Variants in PCSK5 observed in about 807,000 individuals in gnomAD.
PCSK5 encodes the protein prohormone convertase 5.
In PCSK5, 129 loss-of-function variants were observed where a neutral mutation model predicts 233.2. The ratio of observed to expected loss-of-function variants is 0.55; its 90% CI spans 0.48 to 0.64. PCSK5 has a LOEUF of 0.64. PCSK5 is among the 30% of genes least tolerant of loss of function. The pLI, the probability that PCSK5 is intolerant of heterozygous loss-of-function variation, is 0.00. For synonymous variants in PCSK5, 825 were observed against 879.2 expected (o/e 0.94, Z 1.09); for missense variants, 2,076 against 2,430.1 (o/e 0.85, Z 3.06).
chr9:75,953,542 C>T (rs1263697048), intron 2 of PCSK5, among the ~76,000 whole-genome samples: 5 of 152,070 alleles, frequency 3.3e-5, no homozygotes, highest in Non-Finnish European at 4.4e-5. Flanking sequence ...CCTGCTGCCA[C>T]GTGCCTACTG....
intron 20 of PCSK5, chr9:76,193,393 T>G: frequency 1.5e-6 from 2 of 1,356,208 alleles, no homozygotes; most frequent in Non-Finnish European, 1.9e-6. Context: ...GACTTATAGA[T>G]TATTCCATAT....
chr9:76,239,010 G>A lies in PCSK5; in HGVS notation c.2918G>A (p.Cys973Tyr). The change falls in exon 23 of 38, where the codon TGC becomes TAC. Residue 973 changes from cysteine (C) to tyrosine (Y), a missense_variant. By Grantham distance (194) the Cys-to-Tyr change is radical (BLOSUM62 -2). Coordinates refer to ENST00000674117, the MANE Select transcript of PCSK5 (RefSeq NM_001372043.1). The part of the protein sequence containing the change: ...FLYQGECGDS[C>Y]PEGHYATEGN... Reference sequence around the variant, plus strand: ...TACCAGGGAGAGTGTGGAGATAGCTGCCCAGAGGGCCACTATGCCACTGAG... The same window carrying A: ...TACCAGGGAGAGTGTGGAGATAGCTACCCAGAGGGCCACTATGCCACTGAG... The A allele has an allele frequency of 6.2e-7, 1 of 1,612,200 alleles. No individual in the cohort carries two copies. Among genetic ancestry groups the A allele is most frequent in the Non-Finnish European group, 8.5e-7 (1 of 1,179,646 alleles).
chr9:76,207,293 C>T (rs34630653), intron 20 of PCSK5, among the ~76,000 whole-genome samples: 12,395 of 152,178 alleles, frequency 0.081, 648 homozygotes, highest in Admixed American at 0.13. Context: ...GGCCATTTTA[C>T]GGCCTCCCAC....
intron 2 of PCSK5, among the ~76,000 whole-genome samples, chr9:75,943,241 T>C (rs1267533598): frequency 6.6e-6 from 1 of 152,130 alleles, no homozygotes; most frequent in Non-Finnish European, 1.5e-5. Flanking sequence ...AACTAGAAAA[T>C]GTAATGATAG....
intron 2 of PCSK5, among the ~76,000 whole-genome samples, chr9:75,940,732 A>G (rs1162076322): frequency 6.6e-6 from 1 of 152,218 alleles, no homozygotes; most frequent in Non-Finnish European, 1.5e-5. Context: ...CTTATCAGTC[A>G]AATTCCATTT....
In PCSK5 at chr9:75,891,531, GCACACACA is replaced by G. The variant is rs34768107; in HGVS notation, c.192+184_192+191del. Reference sequence around the variant, plus strand: ...CTGTCTCCTGCGCGCGCGCGCGTACGCACACACACACACACACACACACACACACACAC... The same window carrying G: ...CTGTCTCCTGCGCGCGCGCGCGTACGCACACACACACACACACACACACAC... On this transcript the variant is annotated intron_variant, in intron 1 of 37. Coordinates refer to ENST00000674117, the MANE Select transcript of PCSK5 (RefSeq NM_001372043.1). 1.5e-3 allele frequency among the ~76,000 whole-genome samples: 230 copies of G among 148,536 alleles called. 1 individual carries two copies. Among genetic ancestry groups the G allele is most frequent in the South Asian group, 6.3e-3 (29 of 4,608 alleles).
intron 24 of PCSK5, among the ~76,000 whole-genome samples, chr9:76,284,673 C>T (rs1321266901): frequency 6.6e-6 from 1 of 151,818 alleles, no homozygotes; most frequent in Non-Finnish European, 1.5e-5. Flanking sequence ...GCTGGGATTA[C>T]AGACATGTGC....
chr9:76,124,112 G>A (rs1346188154), intron 9 of PCSK5, among the ~76,000 whole-genome samples: 1 of 152,146 alleles, frequency 6.6e-6, no homozygotes, highest in Non-Finnish European at 1.5e-5. Context: ...GATCACCACA[G>A]AGCTTCAGAG....
At chr9:76,161,768 G>A (rs559376740) in intron 12 of PCSK5, among the ~76,000 whole-genome samples, 4 of 152,192 alleles carry the variant, frequency 2.6e-5, no homozygotes, top group Admixed American at 6.5e-5. Context: ...CTTCAGGCTC[G>A]CATGCATTCT....
chr9:76,171,420 A>G (rs1823325194), intron 13 of PCSK5, among the ~76,000 whole-genome samples: 1 of 152,228 alleles, frequency 6.6e-6, no homozygotes, highest in African/African-American at 2.4e-5. Flanking sequence ...AGGTGCAGAC[A>G]TAAAGAGTAT....
rs188148909 is a variant in PCSK5 at position 76,350,421 on chromosome 9, C to T, written c.4967-407C>T. Among the ~76,000 whole-genome samples, 10 of 152,272 alleles carry T rather than the reference C, an allele frequency of 6.6e-5. No individual in the cohort carries two copies. In the East Asian group the frequency reaches 9.6e-4, roughly 15 times the overall value. The stretch of plus-strand genomic sequence containing the variant: ...GCATTTTAAGTGCCAAGTTTAGTGC[C>T]GTTTCTCAGTTAGAAACTGTCTATT... On this transcript the variant is annotated intron_variant, in intron 35 of 37. Transcript: ENST00000674117.
chr9:76,268,605 A>G lies in PCSK5; in HGVS notation c.3143-23628A>G, dbSNP rs1007726583. ...ATGCCTATAATCCCAACACTTTGGG[A>G]GGCTGAGGTGGACAGATCGCTTGAG... On this transcript the variant is annotated intron_variant, in intron 24 of 37. Transcript: ENST00000674117. 5.3e-5 allele frequency among the ~76,000 whole-genome samples: 8 copies of G among 152,316 alleles called. No homozygotes were observed. In the South Asian group the frequency reaches 1.2e-3, roughly 24 times the overall value.
chr9:76,088,996 G>A (rs7859486), intron 7 of PCSK5, among the ~76,000 whole-genome samples: 7 of 148,962 alleles, frequency 4.7e-5, no homozygotes, highest in Non-Finnish European at 1.0e-4. Flanking sequence ...TTCAATGAAC[G>A]CTGTTCTATA....
At chr9:75,977,332 T>C (rs1826067497) in intron 2 of PCSK5, among the ~76,000 whole-genome samples, 1 of 151,678 alleles carries the variant, frequency 6.6e-6, no homozygotes, top group Non-Finnish European at 1.5e-5. Flanking sequence ...CCCTTCACCT[T>C]GGTATTAAAT....
chr9:76,046,621 C>T (rs1173450937), intron 5 of PCSK5, among the ~76,000 whole-genome samples: 3 of 125,742 alleles, frequency 2.4e-5, no homozygotes, highest in Admixed American at 9.3e-5. Flanking sequence ...AGTGCAGTGG[C>T]ATGATCTCGG....
intron 35 of PCSK5, 144 bp from the exon 36 acceptor site, chr9:76,350,684 A>C (rs1830097444): frequency 3.4e-6 from 2 of 589,682 alleles, no homozygotes; most frequent in Non-Finnish European, 6.0e-6. Flanking sequence ...TGTGTGGGAG[A>C]CTTTTTTCTT....
intron 12 of PCSK5, among the ~76,000 whole-genome samples, chr9:76,159,891 C>T (rs903564620): frequency 7.2e-6 from 1 of 139,624 alleles, no homozygotes; most frequent in African/African-American, 2.7e-5. Context: ...GGTGTGATCT[C>T]GGCTCACTGC....
intron 5 of PCSK5, among the ~76,000 whole-genome samples, chr9:76,039,116 G>T (rs2131524983): frequency 6.6e-6 from 1 of 152,226 alleles, no homozygotes; most frequent in Middle Eastern, 3.4e-3. Flanking sequence ...TTCTGTTCTT[G>T]TATATTTCAT....
rs200775960 is a variant in PCSK5, at chr9:76,071,826, G to A, written c.822G>A (p.Pro274=). ...HVHIYSASWG[P]DDDGKTVDGP... is the part of the protein sequence containing the mutation. The stretch of plus-strand genomic sequence containing the variant: ...ACATTTACAGCGCCAGCTGGGGCCC[G>A]GATGATGATGGCAAGACTGTGGACG... Residue 274 remains proline (P), a synonymous_variant, in exon 7 of 38, where the codon CCG becomes CCA. Coordinates refer to ENST00000674117, the MANE Select transcript of PCSK5 (RefSeq NM_001372043.1). 9 of 1,614,190 alleles carry A rather than the reference G, an allele frequency of 5.6e-6. No individual in the cohort carries two copies. Among genetic ancestry groups the A allele is most frequent in the South Asian group, 3.3e-5 (3 of 91,086 alleles).
Sources: allele counts gnomAD v4.1 joint callset (sites outside exome capture counted in the v4.1 genomes callset), GRCh38; gene constraint gnomAD v4.1.1; transcripts MANE v1.5; gene names NCBI Gene and HGNC (gene_info 2026-07-23, HGNC 2026-07-21).